HECW1: variants seen among roughly 807,000 people sequenced by gnomAD.
The protein encoded by HECW1 is HECT, C2 and WW domain containing E3 ubiquitin protein ligase 1, also known as E3 ubiquitin-protein ligase HECW1.
In HECW1, 61 loss-of-function variants were observed where a neutral mutation model predicts 182.3. The ratio of observed to expected loss-of-function variants is 0.33; its 90% CI spans 0.27 to 0.41. The LOEUF (loss-of-function observed/expected upper bound fraction) is 0.41. Ranked by LOEUF, HECW1 falls within the 10% of genes least tolerant of loss-of-function variation. HECW1 has a pLI of 1.00. For synonymous variants in HECW1, 859 were observed against 832.6 expected (o/e 1.03, Z -0.55); for missense variants, 1,739 against 2,108.9 (o/e 0.82, Z 3.44).
intron 3 of HECW1, among the ~76,000 whole-genome samples, chr7:43,256,609 C>CAA (rs756396122): frequency 1.8e-4 from 10 of 55,378 alleles, no homozygotes; most frequent in Non-Finnish European, 3.7e-4. Context: ...AACTTCATCT[C>CAA]AAAAAAAAAA....
chr7:43,465,850 C>T (rs898205046), intron 14 of HECW1, among the ~76,000 whole-genome samples: 1 of 151,026 alleles, frequency 6.6e-6, no homozygotes, highest in East Asian at 1.9e-4. Context: ...GCTGCAATTG[C>T]GCGGCTGCAC....
chr7:43,132,982 AAAG>A (rs1787126729), intron 2 of HECW1, among the ~76,000 whole-genome samples: 1 of 152,324 alleles, frequency 6.6e-6, no homozygotes, highest in Admixed American at 6.5e-5. Flanking sequence ...TTTTAATAAG[AAAG>A]AAGGATGATT....
chr7:43,482,828 C>T (rs2078486816), intron 17 of HECW1, among the ~76,000 whole-genome samples: 1 of 152,106 alleles, frequency 6.6e-6, no homozygotes, highest in Non-Finnish European at 1.5e-5. Flanking sequence ...TGGCTTGAGC[C>T]TGGGAGGTAG....
intron 5 of HECW1, among the ~76,000 whole-genome samples, chr7:43,357,616 A>G (rs1815328638): frequency 6.6e-6 from 1 of 152,194 alleles, no homozygotes; most frequent in Non-Finnish European, 1.5e-5. Flanking sequence ...ACAAATATAC[A>G]GTTTGATAGA....
chr7:43,434,899 G>C (rs1345557746), intron 8 of HECW1, among the ~76,000 whole-genome samples: 1 of 152,110 alleles, frequency 6.6e-6, no homozygotes, highest in Non-Finnish European at 1.5e-5. Context: ...GTTTTTCCTT[G>C]TGAAAATAAT....
chr7:43,527,654 A>T (rs903614239), intron 24 of HECW1, among the ~76,000 whole-genome samples: 1 of 152,216 alleles, frequency 6.6e-6, no homozygotes, highest in Non-Finnish European at 1.5e-5. Context: ...GGATATGGGC[A>T]TATCTTGTGG....
rs532727959 is a variant in HECW1, at chr7:43,507,791, A to G, written c.3753-227A>G. 3.3e-5 allele frequency among the ~76,000 whole-genome samples: 5 copies of G among 152,348 alleles called. No homozygotes were observed. The South Asian group carries it at 1.0e-3, about 32-fold the overall frequency. On this transcript the variant is annotated intron_variant, in intron 22 of 29. Transcript: ENST00000395891. Reference sequence around the variant, plus strand: ...TGAATTATCTTAAAAGTAGTTCCATATGATGGAATGCACGAGAAGTGTACA... The same window carrying G: ...TGAATTATCTTAAAAGTAGTTCCATGTGATGGAATGCACGAGAAGTGTACA...
chr7:43,167,160 GC>G (rs894497914), intron 2 of HECW1, among the ~76,000 whole-genome samples: 6 of 152,084 alleles, frequency 3.9e-5, no homozygotes, highest in African/African-American at 1.4e-4. Context: ...TATGAGAAGG[GC>G]CATGCTCCCT....
chr7:43,272,571 A>C (rs1160989121), intron 3 of HECW1, among the ~76,000 whole-genome samples: 1 of 152,204 alleles, frequency 6.6e-6, no homozygotes, highest in Admixed American at 6.5e-5. Flanking sequence ...ACATATGAAG[A>C]AATGCTCCGT....
chr7:43,431,267 T>C (rs1337588794), intron 8 of HECW1, among the ~76,000 whole-genome samples: 1 of 152,174 alleles, frequency 6.6e-6, no homozygotes, highest in Non-Finnish European at 1.5e-5. Context: ...CTGTACAGTC[T>C]TCTATCCTTC....
At chr7:43,320,609 T>C (rs762882512) in intron 4 of HECW1, 26 bp from the exon 5 acceptor site, 1 of 1,478,686 alleles carries the variant, frequency 6.8e-7, no homozygotes, top group African/African-American at 1.4e-5. Flanking sequence ...GTTTCTCTGC[T>C]CTGCTTTCTT....
At chr7:43,113,778 T>A (rs952715161) in intron 1 of HECW1, 28 of 228,432 alleles carry the variant, frequency 1.2e-4, no homozygotes, top group Non-Finnish European at 2.3e-4. Flanking sequence ...TCAAACAATG[T>A]GGCCCCTCCA....
chr7:43,376,540 C>T (rs1437757268), intron 6 of HECW1, among the ~76,000 whole-genome samples: 1 of 152,102 alleles, frequency 6.6e-6, no homozygotes, highest in Non-Finnish European at 1.5e-5. Context: ...AATAAAAACT[C>T]TTTGTATTAA....
chr7:43,555,104 A>T (rs1476932442), intron 29 of HECW1, among the ~76,000 whole-genome samples: 1 of 152,190 alleles, frequency 6.6e-6, no homozygotes, highest in Non-Finnish European at 1.5e-5. Flanking sequence ...GGGCAGAGGC[A>T]AGGACATTAA....
chr7:43,504,575 C>G (rs1244763766), intron 21 of HECW1, among the ~76,000 whole-genome samples: 4 of 152,222 alleles, frequency 2.6e-5, no homozygotes. Flanking sequence ...CTGCTTCCCC[C>G]ACTTCTGCAA....
At chr7:43,540,957 G>C (rs73693020) in intron 24 of HECW1, among the ~76,000 whole-genome samples, 2,022 of 152,268 alleles carry the variant, frequency 0.013, 57 homozygotes, top group African/African-American at 0.046. Context: ...GGAAGAGGAG[G>C]CTTCCTTTAG....
chr7:43,362,577 T>C (rs1816100904), intron 6 of HECW1, among the ~76,000 whole-genome samples: 1 of 152,182 alleles, frequency 6.6e-6, no homozygotes, highest in Non-Finnish European at 1.5e-5. Flanking sequence ...TGGGCATCCC[T>C]CAAAAGAGGG....
At chr7:43,518,827 G>A (rs79212060) in intron 24 of HECW1, among the ~76,000 whole-genome samples, 1,551 of 152,220 alleles carry the variant, frequency 0.01, 35 homozygotes, top group African/African-American at 0.035. Context: ...ACCTTATAAC[G>A]ATCAAATTGC....
intron 5 of HECW1, among the ~76,000 whole-genome samples, chr7:43,350,772 G>A (rs769553704): frequency 5.3e-5 from 8 of 151,998 alleles, no homozygotes; most frequent in Non-Finnish European, 1.0e-4. Context: ...TTTACTTCTT[G>A]TATCATTTTT....
Sources: allele counts gnomAD v4.1 joint callset (sites outside exome capture counted in the v4.1 genomes callset), GRCh38; gene constraint gnomAD v4.1.1; transcripts MANE v1.5; gene names NCBI Gene and HGNC (gene_info 2026-07-23, HGNC 2026-07-21).